Variants in VWC2 observed in about 807,000 individuals in gnomAD.
VWC2 encodes von Willebrand factor C domain containing 2, also known as brorin.
A neutral mutation model predicts 29.8 loss-of-function variants in VWC2; 14 were observed. The ratio of observed to expected loss-of-function variants is 0.47; its 90% confidence interval spans 0.31 to 0.74. The LOEUF is 0.74. Among genes scored for constraint, VWC2 ranks in the 30% least tolerant of loss-of-function variants. The pLI, the probability that VWC2 is intolerant of heterozygous loss-of-function variation, is 0.05. For synonymous variants in VWC2, 213 were observed against 199.0 expected (o/e 1.07, Z -0.59); for missense variants, 457 against 459.8 (o/e 0.99, Z 0.05).
chr7:49,881,289 TTAGAGTGCTGCTGGCC>T lies in VWC2; in HGVS notation c.827-30742_827-30727del, dbSNP rs1305086819. Among the ~76,000 whole-genome samples the T allele has an allele frequency of 9.9e-5, 15 of 152,278 alleles. No homozygotes were observed. In the East Asian group the frequency reaches 2.7e-3, roughly 27 times the overall value. ...TTTGTTTCATCAACCAGCTAAATCT[TTAGAGTGCTGCTGGCC>T]TATAAGAGACTCCACCCATCTAACA... is the stretch of plus-strand genomic sequence containing the variant. On this transcript the variant is annotated intron_variant, in intron 3 of 3. Transcript: ENST00000340652.
At chr7:49,788,337 G>A (rs370411423) in intron 2 of VWC2, among the ~76,000 whole-genome samples, 1 of 152,214 alleles carries the variant, frequency 6.6e-6, no homozygotes, top group African/African-American at 2.4e-5. Context: ...GGCAAAGGCA[G>A]ACTGATGGGT....
chr7:49,775,807 C>T lies in VWC2; in HGVS notation c.372C>T (p.Ala124=), dbSNP rs1470965831. The T allele has an allele frequency of 6.5e-7, 1 of 1,537,994 alleles. No homozygotes were observed. Among genetic ancestry groups the T allele is most frequent in the East Asian group, 2.5e-5 (1 of 40,430 alleles). ...RGDTPQAEAL[A]AAAQDAIGPE... The stretch of plus-strand genomic sequence containing the variant: ...ACACCCCGCAGGCGGAAGCCCTGGC[C>T]GCAGCCGCCCAGGACGCGATTGGCC... Residue 124 remains alanine, a synonymous_variant, in exon 2 of 4, where the codon GCC becomes GCT. Transcript: ENST00000340652.
intron 3 of VWC2, among the ~76,000 whole-genome samples, chr7:49,813,493 C>T (rs1037821154): frequency 6.6e-6 from 1 of 152,170 alleles, no homozygotes; most frequent in Non-Finnish European, 1.5e-5. Context: ...GCTTTGAGAG[C>T]CACTGCTTTC....
At chr7:49,781,407 T>A (rs1788175059) in intron 2 of VWC2, among the ~76,000 whole-genome samples, 1 of 152,224 alleles carries the variant, frequency 6.6e-6, no homozygotes, top group South Asian at 2.1e-4. Context: ...TCTTTTACAG[T>A]GGGCAGAAGG....
chr7:49,807,711 G>A (rs1037002918), intron 3 of VWC2, among the ~76,000 whole-genome samples: 2 of 152,154 alleles, frequency 1.3e-5, no homozygotes, highest in Non-Finnish European at 2.9e-5. Context: ...ATCACTTTGA[G>A]TATGCAAAGG....
chr7:49,779,714 AATAAAT>A (rs1179538442), intron 2 of VWC2, among the ~76,000 whole-genome samples: 2 of 152,224 alleles, frequency 1.3e-5, no homozygotes, highest in African/African-American at 4.8e-5. Flanking sequence ...GTTGTCTTGG[AATAAAT>A]CTGGAAATCC....
Position 49,851,401 on chromosome 7 carries a change from G to A in VWC2, c.826+48561G>A, listed in dbSNP as rs146500755. The stretch of plus-strand genomic sequence containing the variant: ...CAACTCACTCTGGTGCTAAACACCA[G>A]AGCCTGGCTCATAGCAGACGGGCAC... On this transcript the variant is annotated intron_variant, in intron 3 of 3. Coordinates refer to ENST00000340652, the MANE Select transcript of VWC2 (RefSeq NM_198570.5). 1.6e-3 allele frequency among the ~76,000 whole-genome samples: 249 copies of A among 152,270 alleles called. 4 individuals are homozygous for A. The highest frequency in any genetic ancestry group is 0.014 in the Admixed American group (209 of 15,298).
At chr7:49,785,401 T>C (rs962067838) in intron 2 of VWC2, among the ~76,000 whole-genome samples, 1 of 152,162 alleles carries the variant, frequency 6.6e-6, no homozygotes, top group Non-Finnish European at 1.5e-5. Context: ...CAAGACTTTC[T>C]AGTTGAAAGT....
intron 3 of VWC2, among the ~76,000 whole-genome samples, chr7:49,854,617 T>C (rs1216001615): frequency 6.6e-6 from 1 of 152,228 alleles, no homozygotes; most frequent in African/African-American, 2.4e-5. Flanking sequence ...ATATTAGCCC[T>C]TTGTCAGATA....
rs1335556723 is a variant in VWC2 at position 49,775,775 on chromosome 7, C to G, written c.340C>G (p.Arg114Gly). 5 of 1,520,114 alleles carry G rather than the reference C, an allele frequency of 3.3e-6. No individual in the cohort carries two copies. The highest frequency in any genetic ancestry group is 1.8e-6 in the Non-Finnish European group (2 of 1,135,256). The allele number at this position is 1,520,114 out of a possible 1,614,324, so 94.2% of individuals were successfully genotyped here. A position where few individuals can be genotyped will look rare whatever the true frequency, so the allele number is the denominator to read the frequency against. ...AKAGDLQVRP[R>G]GDTPQAEALA... ...GGCCGGGGATCTGCAGGTCCGGCCC[C>G]GCGGGGACACCCCGCAGGCGGAAGC... The change falls in exon 2 of 4, where the codon CGC becomes GGC. Residue 114 changes from arginine (R) to glycine (G), a missense_variant. By Grantham distance (125) the Arg-to-Gly change is moderately radical. Around this residue, in one of 2 missense-constraint regions of VWC2, gnomAD observed 272 missense variants for 202.7 expected, o/e 1.34. Coordinates refer to ENST00000340652, the MANE Select transcript of VWC2 (RefSeq NM_198570.5).
chr7:49,811,219 G>A (rs1486841928), intron 3 of VWC2, among the ~76,000 whole-genome samples: 1 of 152,138 alleles, frequency 6.6e-6, no homozygotes, highest in African/African-American at 2.4e-5. Context: ...TTCAGCAAAA[G>A]AGACAAACAA....
At chr7:49,816,511 C>G (rs1583647225) in intron 3 of VWC2, among the ~76,000 whole-genome samples, 1 of 152,168 alleles carries the variant, frequency 6.6e-6, no homozygotes, top group African/African-American at 2.4e-5. Context: ...TGGGTAATGA[C>G]AAAGACCATG....
intron 3 of VWC2, among the ~76,000 whole-genome samples, chr7:49,844,152 C>T (rs984157430): frequency 2.6e-5 from 4 of 152,142 alleles, no homozygotes; most frequent in African/African-American, 9.7e-5. Flanking sequence ...TGGACCGCAA[C>T]GTGGAAAGGT....
chr7:49,825,991 C>T (rs777927796), intron 3 of VWC2, among the ~76,000 whole-genome samples: 43 of 149,644 alleles, frequency 2.9e-4, no homozygotes, highest in Admixed American at 4.7e-4. Context: ...CCAAATCTGA[C>T]TCTGTCCTTG....
At chr7:49,903,281 T>G (rs978891809) in intron 3 of VWC2, among the ~76,000 whole-genome samples, 19 of 152,292 alleles carry the variant, frequency 1.2e-4, no homozygotes, top group African/African-American at 4.6e-4. Context: ...GGAGAAAGAC[T>G]ATGTTCACAG....
At chr7:49,904,753 T>TTG (rs397706147) in intron 3 of VWC2, among the ~76,000 whole-genome samples, 3 of 151,032 alleles carry the variant, frequency 2.0e-5, no homozygotes, top group Non-Finnish European at 4.4e-5. Flanking sequence ...TTTTTTTTTT[T>TTG]GAGATGGAGT....
At chr7:49,911,785 T>A (rs1425247076) in intron 3 of VWC2, among the ~76,000 whole-genome samples, 1 of 151,702 alleles carries the variant, frequency 6.6e-6, no homozygotes, top group Non-Finnish European at 1.5e-5. Flanking sequence ...TAATCCTAGC[T>A]ACTTGAAAGG....
chr7:49,789,172 TTAGCA>T (rs200429414), intron 2 of VWC2, among the ~76,000 whole-genome samples: 1,949 of 146,552 alleles, frequency 0.013, 44 homozygotes, highest in African/African-American at 0.046. Flanking sequence ...TATGTGTGTG[TTAGCA>T]TGTGTGTGGG....
intron 3 of VWC2, among the ~76,000 whole-genome samples, chr7:49,847,903 G>A (rs1236702417): frequency 6.6e-6 from 1 of 152,168 alleles, no homozygotes; most frequent in Non-Finnish European, 1.5e-5. Context: ...GCACTCACAG[G>A]TGAGTGGTTT....
Sources: allele counts gnomAD v4.1 joint callset (sites outside exome capture counted in the v4.1 genomes callset), GRCh38; gene constraint gnomAD v4.1.1; regional missense constraint gnomAD v4.1.1; transcripts MANE v1.5; gene names NCBI Gene and HGNC (gene_info 2026-07-23, HGNC 2026-07-21).